ADD2: variants seen among roughly 807,000 people sequenced by gnomAD.
ADD2 encodes the protein adducin 2.
ADD2 carries 23 observed loss-of-function variants against 83.0 expected under a neutral mutation model. That is an observed-to-expected ratio of 0.28 (90% CI 0.20 to 0.39). The LOEUF (loss-of-function observed/expected upper bound fraction) is 0.39. Ranked by LOEUF, ADD2 falls within the 10% of genes least tolerant of loss-of-function variation. ADD2 has a pLI of 1.00. For missense variants in ADD2, 758 were observed against 944.9 expected (o/e 0.80, Z 2.59); for synonymous variants, 375 against 375.4 (o/e 1.00, Z 0.01).
At position 70,660,988 on chromosome 2, in the gene ADD2, A is replaced by G. The variant is rs1235679119; in HGVS notation, c.*2437T>C. 5.9e-5 allele frequency: 9 copies of G among 152,212 alleles called. No homozygotes were observed. Among genetic ancestry groups the G allele is most frequent in the Non-Finnish European group, 8.8e-5 (6 of 68,042 alleles). 9.4% of individuals were successfully genotyped at this position (152,212 alleles called of 1,614,324 possible). On this transcript the variant is annotated 3_prime_UTR_variant, in exon 16 of 16. Transcript: ENST00000264436. ...ATGCCTGGCCCTTGACCCAAGCTCA[A>G]TGCATGTTTTTGGAATGCATGAGGA...
intron 1 of ADD2, among the ~76,000 whole-genome samples, chr2:70,760,151 T>C (rs1437248864): frequency 2.6e-5 from 4 of 152,244 alleles, no homozygotes; most frequent in Non-Finnish European, 2.9e-5. Context: ...TATTTGTCTT[T>C]GGACACTTTG....
At position 70,659,679 on chromosome 2, in the gene ADD2, G is replaced by GT. The variant is rs1675476002; in HGVS notation, c.*3745dup. The stretch of plus-strand genomic sequence containing the variant: ...ATGCAGGCCAGGAGGCTCTTAGGGA[G>GT]TCCAGATCTGGGCTAGAAGGTGTCT... On this transcript the variant is annotated 3_prime_UTR_variant, in exon 16 of 16. Transcript: ENST00000264436. 6.6e-6 allele frequency: 1 copy of GT among 152,278 alleles called. No homozygotes were observed. Among genetic ancestry groups the GT allele is most frequent in the African/African-American group, 2.4e-5 (1 of 41,438 alleles). The allele number at this position is 152,278 out of a possible 1,614,324, so 9.4% of individuals were successfully genotyped here.
chr2:70,714,630 C>G (rs889777110), intron 1 of ADD2, among the ~76,000 whole-genome samples: 32 of 152,186 alleles, frequency 2.1e-4, no homozygotes, highest in African/African-American at 7.7e-4. Context: ...CTCCTTCTCC[C>G]AGAGGTTCTA....
chr2:70,766,044 T>C (rs1675363827), intron 1 of ADD2, among the ~76,000 whole-genome samples: 1 of 152,220 alleles, frequency 6.6e-6, no homozygotes, highest in African/African-American at 2.4e-5. Flanking sequence ...ATTCCAACAC[T>C]ATACTAATAT....
At chr2:70,715,956 C>A (rs1266559195) in intron 1 of ADD2, among the ~76,000 whole-genome samples, 2 of 152,232 alleles carry the variant, frequency 1.3e-5, no homozygotes, top group Non-Finnish European at 2.9e-5. Flanking sequence ...CACAGTCCTT[C>A]CTGGCCCATG....
At chr2:70,693,062 G>C (rs1216989701) in intron 6 of ADD2, among the ~76,000 whole-genome samples, 1 of 152,168 alleles carries the variant, frequency 6.6e-6, no homozygotes, top group African/African-American at 2.4e-5. Context: ...GGCTCAAAGA[G>C]GCTGCGGCTG....
chr2:70,763,264 C>T (rs547301786), intron 1 of ADD2, among the ~76,000 whole-genome samples: 3 of 151,948 alleles, frequency 2.0e-5, no homozygotes, highest in South Asian at 2.1e-4. Flanking sequence ...GAGTGCTCTT[C>T]GAGTTTGGAA....
intron 1 of ADD2, among the ~76,000 whole-genome samples, chr2:70,724,580 G>A (rs558923174): frequency 4.7e-4 from 72 of 152,216 alleles, no homozygotes; most frequent in Non-Finnish European, 9.6e-4. Flanking sequence ...TCCCCACAAG[G>A]AGGCCTGCTG....
At chr2:70,712,476 G>A (rs376488416) in intron 2 of ADD2, among the ~76,000 whole-genome samples, 211 of 140,136 alleles carry the variant, frequency 1.5e-3, no homozygotes, top group East Asian at 2.7e-3. Flanking sequence ...AAAAAAAAAA[G>A]AAACTGAATC....
At chr2:70,718,283 T>C (rs568656839) in intron 1 of ADD2, among the ~76,000 whole-genome samples, 1 of 152,292 alleles carries the variant, frequency 6.6e-6, no homozygotes, top group East Asian at 1.9e-4. Context: ...TTGTCAAGTA[T>C]CTGTTGGTGC....
At chr2:70,692,196 G>A (rs941274337) in intron 7 of ADD2, among the ~76,000 whole-genome samples, 34 of 152,222 alleles carry the variant, frequency 2.2e-4, no homozygotes, top group Admixed American at 2.2e-3. Flanking sequence ...TGGGGGATGC[G>A]ATGGAACAGA....
At chr2:70,761,227 C>CTT (rs61106669) in intron 1 of ADD2, among the ~76,000 whole-genome samples, 47,342 of 146,570 alleles carry the variant, frequency 0.32, 8,698 homozygotes, top group African/African-American at 0.52. Flanking sequence ...GCATGCATTA[C>CTT]TTTTTTTTTT....
At chr2:70,741,890 C>G (rs548195588) in intron 1 of ADD2, among the ~76,000 whole-genome samples, 2 of 151,776 alleles carry the variant, frequency 1.3e-5, no homozygotes, top group East Asian at 1.9e-4. Flanking sequence ...GCTCCTCCCC[C>G]ACACATCCCA....
At position 70,661,282 on chromosome 2, in the gene ADD2, C is replaced by T. The variant is rs1433476330; in HGVS notation, c.*2143G>A. On this transcript the variant is annotated 3_prime_UTR_variant, in exon 16 of 16. Transcript: ENST00000264436. Reference sequence around the variant, plus strand: ...AGTCATAATGATGGCTCTCTTTCAACGTCAGCATAATGCCTGGTGCTCAGT... The same window carrying T: ...AGTCATAATGATGGCTCTCTTTCAATGTCAGCATAATGCCTGGTGCTCAGT... The T allele has an allele frequency of 3.9e-5, 6 of 152,328 alleles. No homozygotes were observed. The highest frequency in any genetic ancestry group is 1.2e-4 in the African/African-American group (5 of 41,562). 9.4% of individuals were successfully genotyped at this position (152,328 alleles called of 1,614,324 possible). A position where few individuals can be genotyped will look rare whatever the true frequency, so the allele number is the denominator to read the frequency against.
intron 10 of ADD2, among the ~76,000 whole-genome samples, chr2:70,679,566 C>T (rs941592896): frequency 1.3e-5 from 2 of 152,176 alleles, no homozygotes; most frequent in Non-Finnish European, 2.9e-5. Context: ...AGAGAACAAA[C>T]ATTCTGGAAT....
intron 9 of ADD2, among the ~76,000 whole-genome samples, chr2:70,684,588 C>T (rs1346507672): frequency 6.6e-6 from 1 of 152,190 alleles, no homozygotes; most frequent in East Asian, 1.9e-4. Context: ...AAGAAATAGG[C>T]TGGCTCCCAA....
intron 1 of ADD2, among the ~76,000 whole-genome samples, chr2:70,745,328 ACCCCAACC>A (rs1674133470): frequency 6.6e-6 from 1 of 152,010 alleles, no homozygotes; most frequent in Non-Finnish European, 1.5e-5. Context: ...CTATTAAAGT[ACCCCAACC>A]CCATTCTTGC....
chr2:70,692,620 G>C, intron 6 of ADD2, 68 bp from the exon 7 acceptor site: 6 of 1,485,762 alleles, frequency 4.0e-6, no homozygotes, highest in Non-Finnish European at 5.4e-6. Context: ...TCTCCCAGCT[G>C]GTGGGCCCAG....
chr2:70,739,415 C>T (rs1673759926), intron 1 of ADD2, among the ~76,000 whole-genome samples: 1 of 152,184 alleles, frequency 6.6e-6, no homozygotes. Context: ...GAAAAGAAAA[C>T]ACTTATACAG....
Sources: allele counts gnomAD v4.1 joint callset (sites outside exome capture counted in the v4.1 genomes callset), GRCh38; gene constraint gnomAD v4.1.1; transcripts MANE v1.5; gene names NCBI Gene and HGNC (gene_info 2026-07-23, HGNC 2026-07-21).